The following HIKESHI variants were observed in gnomAD, a reference collection of about 807,000 sequenced individuals.
HIKESHI encodes heat shock protein nuclear import factor hikeshi, also known as protein Hikeshi.
A neutral mutation model predicts 25.7 loss-of-function variants in HIKESHI; 13 were observed. The ratio of observed to expected loss-of-function variants is 0.51; its 90% CI spans 0.33 to 0.80. The LOEUF (loss-of-function observed/expected upper bound fraction) is 0.80. Among genes scored for constraint, HIKESHI ranks in the 30% least tolerant of loss-of-function variants. The pLI is 0.02. For synonymous variants in HIKESHI, 76 were observed against 78.7 expected (o/e 0.97, Z 0.18); for missense variants, 174 against 229.5 (o/e 0.76, Z 1.56).
chr11:86,322,365 A>T (rs555991359), intron 2 of HIKESHI, among the ~76,000 whole-genome samples: 1 of 151,968 alleles, frequency 6.6e-6, no homozygotes, highest in African/African-American at 2.4e-5. Context: ...CATGTTTTTA[A>T]TAGGGTTGTT....
intron 2 of HIKESHI, among the ~76,000 whole-genome samples, chr11:86,317,143 A>G (rs766286312): frequency 2.0e-5 from 3 of 152,142 alleles, no homozygotes; most frequent in Non-Finnish European, 2.9e-5. Flanking sequence ...TTGCATAAGT[A>G]TATGAATTTT....
intron 2 of HIKESHI, among the ~76,000 whole-genome samples, chr11:86,311,979 A>G (rs1946846511): frequency 6.6e-6 from 1 of 152,186 alleles, no homozygotes; most frequent in African/African-American, 2.4e-5. Flanking sequence ...TTTACCTCCA[A>G]CTATGTGGTC....
intron 2 of HIKESHI, among the ~76,000 whole-genome samples, chr11:86,327,706 C>T (rs1397985065): frequency 6.6e-6 from 1 of 152,216 alleles, no homozygotes; most frequent in Non-Finnish European, 1.5e-5. Context: ...ATAGATCTAC[C>T]GCTTTCAAAC....
At chr11:86,309,597 G>C (rs1159705296) in intron 2 of HIKESHI, among the ~76,000 whole-genome samples, 2 of 152,050 alleles carry the variant, frequency 1.3e-5, no homozygotes, top group Non-Finnish European at 2.9e-5. Flanking sequence ...TGTCAATTTT[G>C]GCTTTTGTTG....
intron 2 of HIKESHI, among the ~76,000 whole-genome samples, chr11:86,309,388 TATCCGTTGTCCACTTTTTGATG>T (rs1946772772): frequency 1.3e-5 from 2 of 152,244 alleles, no homozygotes; most frequent in Non-Finnish European, 2.9e-5. Flanking sequence ...TGTGTGTTCA[TATCCGTTGTCCACTTTTTGATG>T]GGGCTGTTTG....
intron 2 of HIKESHI, among the ~76,000 whole-genome samples, chr11:86,318,587 T>A (rs1947061454): frequency 6.6e-6 from 1 of 152,048 alleles, no homozygotes; most frequent in South Asian, 2.1e-4. Flanking sequence ...CCTTTGTCAA[T>A]TTTATTTATT....
chr11:86,323,588 A>G (rs746865259), intron 2 of HIKESHI, among the ~76,000 whole-genome samples: 20 of 152,162 alleles, frequency 1.3e-4, no homozygotes, highest in Non-Finnish European at 2.1e-4. Context: ...AGTTTTGCCA[A>G]TGTTTTGAAT....
chr11:86,340,611 C>A (rs1203477154), intron 3 of HIKESHI, among the ~76,000 whole-genome samples: 1 of 151,974 alleles, frequency 6.6e-6, no homozygotes. Flanking sequence ...TTTTTTCTTG[C>A]AAATTTGTTT....
At chr11:86,341,832 G>C (rs1947740001) in intron 3 of HIKESHI, among the ~76,000 whole-genome samples, 1 of 151,834 alleles carries the variant, frequency 6.6e-6, no homozygotes, top group Non-Finnish European at 1.5e-5. Context: ...TTTCCTTCTT[G>C]TTGATTTGTT....
At chr11:86,325,627 A>G (rs369743135) in intron 2 of HIKESHI, among the ~76,000 whole-genome samples, 1 of 152,054 alleles carries the variant, frequency 6.6e-6, no homozygotes, top group African/African-American at 2.4e-5. Context: ...TAATCCCAGC[A>G]CTTTGGGAGG....
chr11:86,313,495 G>T (rs291198), intron 2 of HIKESHI, among the ~76,000 whole-genome samples: 1 of 152,196 alleles, frequency 6.6e-6, no homozygotes, highest in East Asian at 1.9e-4. Context: ...GCCTCCCAAA[G>T]TGCTGGGATT....
intron 2 of HIKESHI, among the ~76,000 whole-genome samples, chr11:86,333,394 G>T (rs535622433): frequency 6.6e-6 from 1 of 151,966 alleles, no homozygotes; most frequent in Non-Finnish European, 1.5e-5. Flanking sequence ...AAATTAGCCG[G>T]TGTGGTTGCA....
intron 2 of HIKESHI, among the ~76,000 whole-genome samples, chr11:86,319,770 G>C (rs964278459): frequency 6.6e-6 from 1 of 152,128 alleles, no homozygotes; most frequent in Non-Finnish European, 1.5e-5. Flanking sequence ...CTTGGACTTA[G>C]AGGTTTAATC....
At chr11:86,305,990 G>A (rs945352161) in intron 1 of HIKESHI, among the ~76,000 whole-genome samples, 66 of 152,250 alleles carry the variant, frequency 4.3e-4, no homozygotes, top group African/African-American at 1.5e-3. Context: ...TGATCTGCCC[G>A]CCTTGGCCTC....
Position 86,306,231 on chromosome 11 carries a change from T to G in HIKESHI, c.31-14T>G, listed in dbSNP as rs1946619680. The G allele has an allele frequency of 6.3e-7, 1 of 1,580,614 alleles. No homozygotes were observed. The highest frequency in any genetic ancestry group is 1.4e-5 in the African/African-American group (1 of 73,958). ...ATAGAACCATTGAACTGAGACAAGT[T>G]TCTTATTTTCTAGGTGCAAACAGCT... is the stretch of plus-strand genomic sequence containing the variant. On this transcript the variant is annotated splice_polypyrimidine_tract_variant and intron_variant, in intron 1 of 4. Transcript: ENST00000278483.
intron 3 of HIKESHI, among the ~76,000 whole-genome samples, chr11:86,343,308 ATTT>A (rs138106599): frequency 4.5e-4 from 66 of 146,786 alleles, no homozygotes; most frequent in Middle Eastern, 3.5e-3. Context: ...ACTGCTGTTG[ATTT>A]TTTTTTTTTT....
chr11:86,309,565 TTTAGTTTAATTAGATCCCA>T (rs1480887964), intron 2 of HIKESHI, among the ~76,000 whole-genome samples: 1 of 152,240 alleles, frequency 6.6e-6, no homozygotes, highest in African/African-American at 2.4e-5. Flanking sequence ...GCAGAAGTTC[TTTAGTTTAATTAGATCCCA>T]TTTGTCAATT....
chr11:86,339,484 AT>A (rs1346398215), intron 3 of HIKESHI, among the ~76,000 whole-genome samples: 47 of 152,138 alleles, frequency 3.1e-4, no homozygotes, highest in Non-Finnish European at 1.5e-5. Flanking sequence ...TAACTGTTAT[AT>A]TTTGTCTTAT....
At chr11:86,328,297 C>T (rs1947335724) in intron 2 of HIKESHI, among the ~76,000 whole-genome samples, 1 of 151,676 alleles carries the variant, frequency 6.6e-6, no homozygotes, top group South Asian at 2.1e-4. Flanking sequence ...CTCACTTTGT[C>T]ACCCAGACTG....
Sources: gnomAD v4.1 joint callset for allele counts (sites outside exome capture counted in the v4.1 genomes callset) on GRCh38, gnomAD v4.1.1 for gene constraint, MANE v1.5 for transcripts, NCBI Gene and HGNC (gene_info 2026-07-23, HGNC 2026-07-21) for gene names.